Variants in TRPV3 observed in about 807,000 individuals in gnomAD.
TRPV3 encodes the protein VRL-3.
A neutral mutation model predicts 87.1 loss-of-function variants in TRPV3; 88 were observed. That is an observed-to-expected ratio of 1.01 (90% CI 0.85 to 1.21). The LOEUF is 1.21. Ranked by LOEUF, TRPV3 falls within the 50% of genes most tolerant of loss-of-function variation. TRPV3 has a pLI of 0.00. For missense variants in TRPV3, 1,054 were observed against 1,030.1 expected, an observed-to-expected ratio of 1.02 and a Z score of -0.32; for synonymous variants, 438 against 423.3, an observed-to-expected ratio of 1.03 and a Z score of -0.43.
At position 3,520,689 on chromosome 17, in the gene TRPV3, T is replaced by A. The variant is rs772107227; in HGVS notation, c.1810+284A>T. ...AAAAAGGTAATGCTTGATTAGGAGA[T>A]ATACCTAATGTAAATGACGAGTTAA... is the stretch of plus-strand genomic sequence containing the variant. On this transcript the variant is annotated intron_variant, in intron 14 of 17. Coordinates refer to ENST00000576742, the MANE Select transcript of TRPV3 (RefSeq NM_145068.4). Among the ~76,000 whole-genome samples, 55 of 152,238 alleles carry A rather than the reference T, an allele frequency of 3.6e-4. 1 individual carries two copies. The highest frequency in any genetic ancestry group is 1.3e-3 in the African/African-American group (52 of 41,530).
chr17:3,533,054 G>T, intron 7 of TRPV3, 117 bp from the exon 8 acceptor site: 1 of 1,187,870 alleles, frequency 8.4e-7, no homozygotes. Context: ...AGGTTCCCTA[G>T]CCCTCTCCCC....
At position 3,513,662 on chromosome 17, in the gene TRPV3, G is replaced by C; in HGVS notation, c.*255C>G. 2.5e-6 allele frequency: 1 copy of C among 395,222 alleles called. No individual in the cohort carries two copies. The allele number at this position is 395,222 out of a possible 1,614,324, so 24.5% of individuals were successfully genotyped here. On this transcript the variant is annotated 3_prime_UTR_variant, in exon 18 of 18. Coordinates refer to ENST00000576742, the MANE Select transcript of TRPV3 (RefSeq NM_145068.4). The stretch of plus-strand genomic sequence containing the variant: ...ACCCGGGACTTCAGGAGGCTCCCAG[G>C]CTCCAGACTGCTGCTGGCTGTAGGT...
intron 7 of TRPV3, among the ~76,000 whole-genome samples, chr17:3,533,303 C>T (rs1160358304): frequency 6.6e-6 from 1 of 152,180 alleles, no homozygotes; most frequent in Non-Finnish European, 1.5e-5. Context: ...TTTCCACCTC[C>T]TCCAACACGC....
intron 14 of TRPV3, among the ~76,000 whole-genome samples, chr17:3,519,888 GATTGGATGGAT>G (rs2074228959): frequency 1.0e-5 from 1 of 95,484 alleles, no homozygotes; most frequent in African/African-American, 3.6e-5. Flanking sequence ...ATGGATGGAT[GATTGGATGGAT>G]GATTAGATGG....
At chr17:3,521,301 C>A (rs765771242) in intron 13 of TRPV3, among the ~76,000 whole-genome samples, 21 of 152,332 alleles carry the variant, frequency 1.4e-4, no homozygotes, top group Non-Finnish European at 2.6e-4. Flanking sequence ...CATAGGGTCT[C>A]ACACTGGAAT....
chr17:3,532,981 A>C (rs2074363070), intron 7 of TRPV3, 44 bp from the exon 8 acceptor site: 5 of 1,601,376 alleles, frequency 3.1e-6, no homozygotes, highest in Non-Finnish European at 4.3e-6. Flanking sequence ...CATGGGCCGG[A>C]AGCAGCGTCC....
intron 6 of TRPV3, among the ~76,000 whole-genome samples, chr17:3,535,965 A>G (rs959222266): frequency 3.9e-5 from 6 of 152,184 alleles, no homozygotes; most frequent in Non-Finnish European, 7.4e-5. Flanking sequence ...CCAAGACGCA[A>G]TCTCGATTAT....
chr17:3,544,464 C>A (rs1011076565), intron 4 of TRPV3, 115 bp downstream of exon 4: 16 of 650,454 alleles, frequency 2.5e-5, no homozygotes, highest in Non-Finnish European at 4.1e-5. Context: ...CTCCACTTGT[C>A]CCAATCCCCA....
intron 1 of TRPV3, 69 bp from the exon 2 acceptor site, chr17:3,554,921 C>T: frequency 9.7e-7 from 1 of 1,034,350 alleles, no homozygotes; most frequent in South Asian, 1.5e-5. Flanking sequence ...GTTTAGGGGC[C>T]CCATGTGGCT....
chr17:3,554,765 T>C lies in TRPV3; in HGVS notation c.86A>G (p.Lys29Arg), dbSNP rs745905227. ...PSGNPAILPE[K>R]RPAEITPTKK... ...TGTGGGGGTGATCTCCGCCGGCCTC[T>C]TCTCTGGCAGGATGGCAGGGTTCCC... Residue 29 changes from lysine to arginine, a missense_variant, in exon 2 of 18, where the codon AAG (lysine) becomes AGG (arginine). Lys to Arg is a conservative substitution (Grantham distance 26, BLOSUM62 2). Transcript: ENST00000576742. 2 of 1,612,758 alleles carry C rather than the reference T, an allele frequency of 1.2e-6. No homozygotes were observed. The highest frequency in any genetic ancestry group is 2.7e-5 in the African/African-American group (2 of 74,908).
intron 2 of TRPV3, among the ~76,000 whole-genome samples, chr17:3,548,933 G>A (rs776092314): frequency 9.9e-5 from 15 of 152,104 alleles, no homozygotes; most frequent in East Asian, 3.9e-4. Flanking sequence ...CTCTGGGATC[G>A]TCCTCTTATG....
intron 6 of TRPV3, among the ~76,000 whole-genome samples, chr17:3,542,091 G>A (rs1399195028): frequency 2.6e-5 from 4 of 152,106 alleles, no homozygotes; most frequent in African/African-American, 7.2e-5. Context: ...CAAGTAGCTG[G>A]GATTACAGGC....
chr17:3,549,081 G>C (rs751457483), intron 2 of TRPV3, among the ~76,000 whole-genome samples: 2 of 152,172 alleles, frequency 1.3e-5, no homozygotes, highest in Non-Finnish European at 2.9e-5. Flanking sequence ...AAACACATTT[G>C]CTAGTGGTTC....
chr17:3,527,783 G>A, intron 11 of TRPV3: 1 of 539,580 alleles, frequency 1.9e-6, no homozygotes, highest in Admixed American at 3.2e-5. Context: ...GGGACACTGA[G>A]TGGCTGGGAA....
chr17:3,532,514 G>A (rs1597479051), intron 8 of TRPV3, 143 bp downstream of exon 8: 2 of 1,093,444 alleles, frequency 1.8e-6, no homozygotes, highest in East Asian at 5.2e-5. Context: ...CCACGCCACT[G>A]CAGTTCTGGA....
rs2074315473 is a variant in TRPV3 at position 3,528,019 on chromosome 17, A to C, written c.1503+6T>G. 1 of 1,612,136 alleles carries C rather than the reference A, an allele frequency of 6.2e-7. No individual in the cohort carries two copies. Among genetic ancestry groups the C allele is most frequent in the African/African-American group, 1.3e-5 (1 of 74,908 alleles). On this transcript the variant is annotated splice_donor_region_variant and intron_variant, in intron 11 of 17. Transcript: ENST00000576742. The surrounding 1 kb of genome is among the most constrained non-coding windows in gnomAD (Gnocchi z 4.2). The stretch of plus-strand genomic sequence containing the variant: ...GCGGTCTGGAAGGGCCGGGTGGCCC[A>C]CTTACCTCTTTCACAGAGATGCACA...
In TRPV3 at chr17:3,532,663, C is replaced by T; in HGVS notation, c.1059G>A (p.Lys353=). 6.2e-7 allele frequency: 1 copy of T among 1,614,130 alleles called. No homozygotes were observed. Among genetic ancestry groups the T allele is most frequent in the Non-Finnish European group, 8.5e-7 (1 of 1,180,026 alleles). The stretch of plus-strand genomic sequence containing the variant: ...CCACGCCCCATGGCCCCACCTCCGC[C>T]TTGCCCATCTTGGCGGCCAGCTGCA... The part of the protein sequence containing the change: ...TPLQLAAKMG[K]AEILKYILSR... The change falls in exon 8 of 18, where the codon AAG becomes AAA. Residue 353 remains lysine (K), a synonymous_variant. Transcript: ENST00000576742.
chr17:3,524,293 A>C lies in TRPV3; in HGVS notation c.1648T>G (p.Cys550Gly). ...YLFAYKEYLA[C>G]LVLAMALGWA... The stretch of plus-strand genomic sequence containing the variant: ...CCCAGGGCCATGGCCAGCACGAGGC[A>C]GGCGAGGTACTCTTTGTAGGCAAAC... The change falls in exon 13 of 18, where the codon TGC becomes GGC. Residue 550 changes from cysteine (C) to glycine (G), a missense_variant. Transcript: ENST00000576742. The C allele has an allele frequency of 6.2e-7, 1 of 1,614,266 alleles. No homozygotes were observed. Among genetic ancestry groups the C allele is most frequent in the Non-Finnish European group, 8.5e-7 (1 of 1,180,046 alleles).
chr17:3,527,972 T>C (rs1156651620), intron 11 of TRPV3, 53 bp downstream of exon 11: 4 of 1,375,826 alleles, frequency 2.9e-6, no homozygotes, highest in Non-Finnish European at 3.1e-6. Context: ...GGATGGAGGC[T>C]GTCACCTGCC....
Sources: gnomAD v4.1 joint callset for allele counts (sites outside exome capture counted in the v4.1 genomes callset) on GRCh38, gnomAD v4.1.1 for gene constraint, Gnocchi (gnomAD v3.1) non-coding constraint, MANE v1.5 for transcripts, NCBI Gene and HGNC (gene_info 2026-07-23, HGNC 2026-07-21) for gene names.